Variants in KCNK12 observed in about 807,000 individuals in gnomAD.
KCNK12 encodes potassium channel subfamily K member 12.
A neutral mutation model predicts 25.3 loss-of-function variants in KCNK12; 6 were observed. That is an observed-to-expected ratio of 0.24 (90% confidence interval 0.13 to 0.47). The LOEUF is 0.47. Among genes scored for constraint, KCNK12 ranks in the 20% least tolerant of loss-of-function variants. The pLI is 0.99. For missense variants in KCNK12, 444 were observed against 661.7 expected, an observed-to-expected ratio of 0.67 and a Z score of 3.61; for synonymous variants, 331 against 311.1, an observed-to-expected ratio of 1.06 and a Z score of -0.67.
chr2:47,512,266 A>AC lies in KCNK12; in HGVS notation c.*8640dup. On this transcript the variant is annotated 3_prime_UTR_variant, in exon 2 of 2. Transcript: ENST00000327876. ...CGTTCTTGATGGAAATCCCCGTGGAACTCCTACATTTTCTCCTCTCTTCTC... is the reference window on the plus strand; with the variant it reads ...CGTTCTTGATGGAAATCCCCGTGGAACCTCCTACATTTTCTCCTCTCTTCTC... The AC allele has an allele frequency of 6.2e-7, 1 of 1,609,386 alleles. No homozygotes were observed. Among genetic ancestry groups the AC allele is most frequent in the Non-Finnish European group, 8.5e-7 (1 of 1,178,232 alleles).
In KCNK12 at chr2:47,516,908, C is replaced by T. The variant is rs1324190451; in HGVS notation, c.*3999G>A. The T allele has an allele frequency of 6.6e-6, 1 of 152,220 alleles. No individual in the cohort carries two copies. The highest frequency in any genetic ancestry group is 2.4e-5 in the African/African-American group (1 of 41,420). The allele number at this position is 152,220 out of a possible 1,614,324, so 9.4% of individuals were successfully genotyped here. On this transcript the variant is annotated 3_prime_UTR_variant, in exon 2 of 2. Coordinates refer to ENST00000327876, the MANE Select transcript of KCNK12 (RefSeq NM_022055.2). ...TGCTTCAGGGGCAAGAGTCCAGGCCCCAAGTCCATGCTGATGAGCCCACCC... is the reference window on the plus strand; with the variant it reads ...TGCTTCAGGGGCAAGAGTCCAGGCCTCAAGTCCATGCTGATGAGCCCACCC...
rs1668361459 is a variant in KCNK12, at chr2:47,510,010, C to T, written c.*10897G>A. ...CCTCTTGTACAGAGGACTGAAAGCA[C>T]AACACTCTCTCCCTCCCTCCCTTAT... On this transcript the variant is annotated 3_prime_UTR_variant, in exon 2 of 2. Coordinates refer to ENST00000327876, the MANE Select transcript of KCNK12 (RefSeq NM_022055.2). 6.6e-6 allele frequency: 1 copy of T among 152,232 alleles called. No individual in the cohort carries two copies. The highest frequency in any genetic ancestry group is 1.5e-5 in the Non-Finnish European group (1 of 68,062). The allele number at this position is 152,232 out of a possible 1,614,324, so 9.4% of individuals were successfully genotyped here.
At chr2:47,553,190 A>T (rs1669475651) in intron 1 of KCNK12, among the ~76,000 whole-genome samples, 1 of 152,238 alleles carries the variant, frequency 6.6e-6, no homozygotes, top group African/African-American at 2.4e-5. Flanking sequence ...AATGTGACGA[A>T]TTCTGCTCTT....
rs796190054 is a variant in KCNK12, at chr2:47,548,173, T to C, written c.391+21768A>G. On this transcript the variant is annotated intron_variant, in intron 1 of 1. Transcript: ENST00000327876. The surrounding 1 kb of genome is among the most constrained non-coding windows in gnomAD (Gnocchi z 4.4). ...TGTAGCTTGCAGAACCGTAAGCCAA[T>C]TAATCTTCTTTTCTTTATAAATTAC... 3.2e-4 allele frequency among the ~76,000 whole-genome samples: 48 copies of C among 152,278 alleles called. No individual in the cohort carries two copies. Among genetic ancestry groups the C allele is most frequent in the African/African-American group, 1.2e-3 (48 of 41,554 alleles).
Position 47,512,729 on chromosome 2 carries a change from C to T in KCNK12, c.*8178G>A. ...ATTTCCCAGAACTCCTTGTTGGATT[C>T]CTTCCAAACAGGTTTACCACTGGGA... is the stretch of plus-strand genomic sequence containing the variant. On this transcript the variant is annotated 3_prime_UTR_variant, in exon 2 of 2. Coordinates refer to ENST00000327876, the MANE Select transcript of KCNK12 (RefSeq NM_022055.2). 3.5e-6 allele frequency: 1 copy of T among 283,358 alleles called. No individual in the cohort carries two copies. Among genetic ancestry groups the T allele is most frequent in the Non-Finnish European group, 6.6e-6 (1 of 150,728 alleles). The allele number at this position is 283,358 out of a possible 1,614,324, so 17.6% of individuals were successfully genotyped here.
rs915923520 is a variant in KCNK12, at chr2:47,516,586, G to T, written c.*4321C>A. The T allele has an allele frequency of 8.5e-5, 13 of 152,226 alleles. No individual in the cohort carries two copies. Among genetic ancestry groups the T allele is most frequent in the African/African-American group, 2.9e-4 (12 of 41,446 alleles). 9.4% of individuals were successfully genotyped at this position (152,226 alleles called of 1,614,324 possible). ...AGCAAACAGCTCAGAGGGGTGGCAG[G>T]CTGCATTTTATTCATCGTTAATTTA... On this transcript the variant is annotated 3_prime_UTR_variant, in exon 2 of 2. Coordinates refer to ENST00000327876, the MANE Select transcript of KCNK12 (RefSeq NM_022055.2).
Position 47,512,371 on chromosome 2 carries a change from G to T in KCNK12, c.*8536C>A, listed in dbSNP as rs776464665. ...TGACATGGAAAAGGAAACTTCGTGG[G>T]GGAAAGAGATCTGCTTGCAGTCGGC... On this transcript the variant is annotated 3_prime_UTR_variant, in exon 2 of 2. Coordinates refer to ENST00000327876, the MANE Select transcript of KCNK12 (RefSeq NM_022055.2). 60 of 1,612,120 alleles carry T rather than the reference G, an allele frequency of 3.7e-5. No homozygotes were observed. Among genetic ancestry groups the T allele is most frequent in the Non-Finnish European group, 5.0e-5 (59 of 1,179,670 alleles).
chr2:47,534,524 C>T (rs557053083), intron 1 of KCNK12, among the ~76,000 whole-genome samples: 8 of 127,844 alleles, frequency 6.3e-5, no homozygotes, highest in African/African-American at 1.1e-4. Flanking sequence ...AACCCCCCCC[C>T]CCGCCCCCAC....
intron 1 of KCNK12, among the ~76,000 whole-genome samples, chr2:47,549,654 G>A (rs1323976570): frequency 1.3e-5 from 2 of 152,070 alleles, no homozygotes; most frequent in Non-Finnish European, 2.9e-5. Context: ...AAATATAGGG[G>A]GCTGGGTGCG....
chr2:47,552,565 C>T (rs897903644), intron 1 of KCNK12, among the ~76,000 whole-genome samples: 6 of 152,140 alleles, frequency 3.9e-5, no homozygotes, highest in African/African-American at 9.7e-5. Flanking sequence ...TCCAGGAGTT[C>T]GAGACCATCC....
rs1056460776 is a variant in KCNK12, at chr2:47,517,402, T to TGA, written c.*3503_*3504dup. 5.9e-5 allele frequency: 9 copies of TGA among 152,146 alleles called. No individual in the cohort carries two copies. The highest frequency in any genetic ancestry group is 2.2e-4 in the African/African-American group (9 of 41,426). 9.4% of individuals were successfully genotyped at this position (152,146 alleles called of 1,614,324 possible). On this transcript the variant is annotated 3_prime_UTR_variant, in exon 2 of 2. Coordinates refer to ENST00000327876, the MANE Select transcript of KCNK12 (RefSeq NM_022055.2). This position sits in a 1 kb window ranked among gnomAD's most constrained non-coding sequence, Gnocchi z 4.1. ...TTGGGTTTGGATGCTGGCTTCTGTGTGAAACCTGAATACATGCAAATTGTA... is the reference window on the plus strand; with the variant it reads ...TTGGGTTTGGATGCTGGCTTCTGTGTGAGAAACCTGAATACATGCAAATTGTA...
rs546253243 is a variant in KCNK12 at position 47,529,889 on chromosome 2, T to C, written c.392-8081A>G. Among the ~76,000 whole-genome samples, 3 of 152,326 alleles carry C rather than the reference T, an allele frequency of 2.0e-5. No homozygotes were observed. The highest frequency in any genetic ancestry group is 6.5e-5 in the Admixed American group (1 of 15,302). ...GTATAAGTATGTCCCAAATATTGCATAGGACATACTTATACTAAAATATAG... is the reference window on the plus strand; with the variant it reads ...GTATAAGTATGTCCCAAATATTGCACAGGACATACTTATACTAAAATATAG... On this transcript the variant is annotated intron_variant, in intron 1 of 1. Coordinates refer to ENST00000327876, the MANE Select transcript of KCNK12 (RefSeq NM_022055.2). This position sits in a 1 kb window ranked among gnomAD's most constrained non-coding sequence, Gnocchi z 4.3.
chr2:47,521,769 G>C lies in KCNK12; in HGVS notation c.431C>G (p.Ala144Gly). ...MTTPATVGGK[A>G]FLIAYGLFGC... The stretch of plus-strand genomic sequence containing the variant: ...GAACAGCCCGTAGGCGATGAGGAAG[G>C]CCTTCCCGCCCACCGTCGCGGGGGT... The change falls in exon 2 of 2, where the codon GCC becomes GGC. Residue 144 changes from alanine (A) to glycine (G), a missense_variant. Physicochemically the swap from Ala to Gly is moderately conservative, Grantham distance 60. Coordinates refer to ENST00000327876, the MANE Select transcript of KCNK12 (RefSeq NM_022055.2). 6.5e-7 allele frequency: 1 copy of C among 1,537,404 alleles called. No individual in the cohort carries two copies. The highest frequency in any genetic ancestry group is 1.3e-5 in the South Asian group (1 of 77,492).
Position 47,512,391 on chromosome 2 carries a change from G to C in KCNK12, c.*8516C>G, listed in dbSNP as rs1227888114. Reference sequence around the variant, plus strand: ...CGTGGGGGAAAGAGATCTGCTTGCAGTCGGCCAGAGAGACAGAACCAGGGC... The same window carrying C: ...CGTGGGGGAAAGAGATCTGCTTGCACTCGGCCAGAGAGACAGAACCAGGGC... On this transcript the variant is annotated 3_prime_UTR_variant, in exon 2 of 2. Transcript: ENST00000327876. 6.2e-7 allele frequency: 1 copy of C among 1,611,528 alleles called. No homozygotes were observed. Among genetic ancestry groups the C allele is most frequent in the Non-Finnish European group, 8.5e-7 (1 of 1,179,402 alleles).
Position 47,557,323 on chromosome 2 carries a change from C to T in KCNK12, c.391+12618G>A, listed in dbSNP as rs1266760797. Among the ~76,000 whole-genome samples, 1 of 152,154 alleles carries T rather than the reference C, an allele frequency of 6.6e-6. No individual in the cohort carries two copies. Among genetic ancestry groups the T allele is most frequent in the African/African-American group, 2.4e-5 (1 of 41,436 alleles). On this transcript the variant is annotated intron_variant, in intron 1 of 1. Transcript: ENST00000327876. This position sits in a 1 kb window ranked among gnomAD's most constrained non-coding sequence, Gnocchi z 4.9. ...GAGTTTGGGCTGATTCTGTCCTGCA[C>T]TTGCTCACCATGTGATGCCTTCCAC...
At chr2:47,552,133 A>C (rs1003658609) in intron 1 of KCNK12, among the ~76,000 whole-genome samples, 9 of 152,240 alleles carry the variant, frequency 5.9e-5, no homozygotes, top group Non-Finnish European at 1.3e-4. Context: ...TTTATGGAAA[A>C]ACATTAAAAA....
At chr2:47,524,028 C>T (rs991324058) in intron 1 of KCNK12, among the ~76,000 whole-genome samples, 3 of 152,106 alleles carry the variant, frequency 2.0e-5, no homozygotes, top group African/African-American at 7.2e-5. Context: ...AGGAAATGCC[C>T]AGTTGCCCGA....
In KCNK12 at chr2:47,538,434, G is replaced by A. The variant is rs57948265; in HGVS notation, c.392-16626C>T. 5.5e-3 allele frequency among the ~76,000 whole-genome samples: 830 copies of A among 152,208 alleles called. 11 individuals carry two copies. Among genetic ancestry groups the A allele is most frequent in the African/African-American group, 0.019 (789 of 41,532 alleles). On this transcript the variant is annotated intron_variant, in intron 1 of 1. Coordinates refer to ENST00000327876, the MANE Select transcript of KCNK12 (RefSeq NM_022055.2). This position sits in a 1 kb window ranked among gnomAD's most constrained non-coding sequence, Gnocchi z 4.5. Reference sequence around the variant, plus strand: ...AGTGTTTCAGGCTAGTCAACAGCACGAGCAAAGGCCCTGAGGCAGAGGGGC... The same window carrying A: ...AGTGTTTCAGGCTAGTCAACAGCACAAGCAAAGGCCCTGAGGCAGAGGGGC...
At chr2:47,567,121 G>C (rs1384083433) in intron 1 of KCNK12, 3 of 152,084 alleles carry the variant, frequency 2.0e-5, no homozygotes, top group Non-Finnish European at 4.4e-5. Context: ...CACATATCTG[G>C]GTCTACACAA....
Sources: gnomAD v4.1 joint callset for allele counts (sites outside exome capture counted in the v4.1 genomes callset) on GRCh38, gnomAD v4.1.1 for gene constraint, Gnocchi (gnomAD v3.1) non-coding constraint, MANE v1.5 for transcripts, NCBI Gene and HGNC (gene_info 2026-07-23, HGNC 2026-07-21) for gene names.